Variants in CELF2 observed in about 807,000 individuals in gnomAD.
CELF2 encodes the protein CUG triplet repeat RNA-binding protein 2.
CELF2 carries 8 observed loss-of-function variants against 62.6 expected under a neutral mutation model. The ratio of observed to expected loss-of-function variants is 0.13; its 90% CI spans 0.07 to 0.23. The LOEUF is 0.23. CELF2 is among the 10% of genes least tolerant of loss of function. The pLI, the probability that CELF2 is intolerant of heterozygous loss-of-function variation, is 1.00. For missense variants in CELF2, 333 were observed against 671.0 expected (o/e 0.50, Z 5.56); for synonymous variants, 258 against 250.0 (o/e 1.03, Z -0.30).
chr10:10,771,322 G>A, the CELF2 span, among the ~76,000 whole-genome samples: 3 of 152,186 alleles, frequency 2.0e-5, no homozygotes, highest in Admixed American at 2.0e-4. Context: ...TTGCCAGTGT[G>A]ATGTAAAGCT....
intron 1 of CELF2, among the ~76,000 whole-genome samples, chr10:10,811,422 C>A (rs148731072): frequency 6.6e-6 from 1 of 152,086 alleles, no homozygotes; most frequent in Non-Finnish European, 1.5e-5. Context: ...TGTGATTAGG[C>A]AACTGGGTGT....
intron 1 of CELF2, among the ~76,000 whole-genome samples, chr10:10,878,359 G>A (rs185412542): frequency 6.6e-6 from 1 of 152,320 alleles, no homozygotes; most frequent in East Asian, 1.9e-4. Flanking sequence ...GCCTTTCTGT[G>A]AGTCTCTGAG....
chr10:11,012,949 C>T (rs1431421195), upstream of CELF2, among the ~76,000 whole-genome samples: 2 of 152,086 alleles, frequency 1.3e-5, no homozygotes, highest in African/African-American at 4.8e-5. The surrounding 1 kb of genome is among the most constrained non-coding windows in gnomAD (Gnocchi z 5.5). Context: ...TTCTCCCCAC[C>T]CCTTCCCCAG....
At chr10:10,738,611 A>C in the CELF2 span, among the ~76,000 whole-genome samples, 2 of 152,212 alleles carry the variant, frequency 1.3e-5, no homozygotes, top group South Asian at 2.1e-4. Flanking sequence ...TAAGACATAC[A>C]ACCCGAGGTT....
the CELF2 span, among the ~76,000 whole-genome samples, chr10:10,752,059 A>G: frequency 3.9e-5 from 6 of 152,228 alleles, no homozygotes; most frequent in Admixed American, 3.9e-4. Context: ...TACCTAATCT[A>G]CTGGTGTTCT....
chr10:11,316,918 T>C lies in CELF2; in HGVS notation c.1096+2660T>C, dbSNP rs1160499527. The C allele has an allele frequency of 6.6e-6, 1 of 152,206 alleles. No homozygotes were observed. The highest frequency in any genetic ancestry group is 1.5e-5 in the Non-Finnish European group (1 of 68,034). The allele number at this position is 152,206 out of a possible 1,614,324, so 9.4% of individuals were successfully genotyped here. ...GTACAGCGCCCTAAAAATGTAAGAATCATCCAGATCAGAAGAAGGAACACA... is the reference window on the plus strand; with the variant it reads ...GTACAGCGCCCTAAAAATGTAAGAACCATCCAGATCAGAAGAAGGAACACA... On this transcript the variant is annotated intron_variant, in intron 10 of 12. Transcript: ENST00000633077. This position sits in a 1 kb window ranked among gnomAD's most constrained non-coding sequence, Gnocchi z 4.4.
chr10:11,016,234 C>T (rs926868496), upstream of CELF2, among the ~76,000 whole-genome samples: 3 of 152,136 alleles, frequency 2.0e-5, no homozygotes, highest in African/African-American at 7.2e-5. This position sits in a 1 kb window ranked among gnomAD's most constrained non-coding sequence, Gnocchi z 5.2. Context: ...ATAAATGCAG[C>T]TTAGTAGTCT....
upstream of CELF2, chr10:10,794,695 T>A (rs1249199051): frequency 6.6e-6 from 1 of 152,168 alleles, no homozygotes; most frequent in Admixed American, 6.5e-5. Flanking sequence ...TGGCTTTACT[T>A]ACAATTGATG....
chr10:10,629,999 C>T, the CELF2 span, among the ~76,000 whole-genome samples: 6 of 150,828 alleles, frequency 4.0e-5, no homozygotes, highest in East Asian at 2.0e-4. Flanking sequence ...TATTATTCTG[C>T]GTTCTCCCAC....
chr10:10,806,913 A>G (rs900601490), intron 1 of CELF2, among the ~76,000 whole-genome samples: 2 of 152,188 alleles, frequency 1.3e-5, no homozygotes, highest in African/African-American at 4.8e-5. Context: ...GATCACCCAC[A>G]AGGATGTGTT....
chr10:11,088,587 T>G (rs2047450728), intron 1 of CELF2, among the ~76,000 whole-genome samples: 1 of 152,090 alleles, frequency 6.6e-6, no homozygotes, highest in Non-Finnish European at 1.5e-5. Flanking sequence ...TGATGATGCT[T>G]CTTGGCTGTG....
At chr10:10,823,578 ATG>A (rs2057143838) in intron 1 of CELF2, among the ~76,000 whole-genome samples, 1 of 90,810 alleles carries the variant, frequency 1.1e-5, no homozygotes, top group Non-Finnish European at 2.3e-5. Context: ...ATGTTTTCTT[ATG>A]CACAAAAAAA....
chr10:10,494,236 T>A, the CELF2 span, among the ~76,000 whole-genome samples: 1 of 152,158 alleles, frequency 6.6e-6, no homozygotes, highest in Non-Finnish European at 1.5e-5. Flanking sequence ...AAGGAAGGGA[T>A]GAAAAGGTAG....
chr10:11,054,176 A>G (rs1219804721), intron 1 of CELF2, among the ~76,000 whole-genome samples: 2 of 152,196 alleles, frequency 1.3e-5, no homozygotes, highest in African/African-American at 4.8e-5. Context: ...TGCAGAATAA[A>G]TGCTCTACGA....
chr10:10,618,536 C>A, the CELF2 span, among the ~76,000 whole-genome samples: 1 of 152,088 alleles, frequency 6.6e-6, no homozygotes, highest in Non-Finnish European at 1.5e-5. Context: ...CAACTCAAAG[C>A]ACCCCGACCA....
chr10:10,673,906 C>A, the CELF2 span, among the ~76,000 whole-genome samples: 1 of 152,146 alleles, frequency 6.6e-6, no homozygotes, highest in Non-Finnish European at 1.5e-5. Context: ...TGATTTCTGT[C>A]TTTGGAAAAT....
At chr10:11,166,689 A>G (rs1331505947) in intron 2 of CELF2, among the ~76,000 whole-genome samples, 2 of 151,940 alleles carry the variant, frequency 1.3e-5, no homozygotes, top group African/African-American at 4.8e-5. Flanking sequence ...TTATTTCTAT[A>G]TTGCTTCTCC....
intron 1 of CELF2, among the ~76,000 whole-genome samples, chr10:11,123,940 A>G (rs1172142864): frequency 1.3e-5 from 2 of 152,204 alleles, no homozygotes; most frequent in Non-Finnish European, 1.5e-5. Context: ...TTATAAAGAA[A>G]AAGAGGTTTA....
At chr10:10,480,787 C>T in the CELF2 span, among the ~76,000 whole-genome samples, 2 of 152,188 alleles carry the variant, frequency 1.3e-5, no homozygotes, top group Admixed American at 1.3e-4. Context: ...GAATCATCAA[C>T]ATCCCAATAA....
Sources: gnomAD v4.1 joint callset for allele counts (sites outside exome capture counted in the v4.1 genomes callset) on GRCh38, gnomAD v4.1.1 for gene constraint, Gnocchi (gnomAD v3.1) non-coding constraint, MANE v1.5 for transcripts, NCBI Gene and HGNC (gene_info 2026-07-23, HGNC 2026-07-21) for gene names.